The following PCDH7 variants were observed in gnomAD, a reference collection of about 807,000 sequenced individuals.
PCDH7 encodes protocadherin-7.
A neutral mutation model predicts 58.9 loss-of-function variants in PCDH7; 17 were observed. The observed-to-expected ratio is 0.29, with a 90% CI of 0.20 to 0.43. The LOEUF is 0.43. Ranked by LOEUF, PCDH7 falls within the 20% of genes least tolerant of loss-of-function variation. The pLI, the probability that PCDH7 is intolerant of heterozygous loss-of-function variation, is 1.00. For missense variants in PCDH7, 1,274 were observed against 1,441.0 expected (o/e 0.88, Z 1.88); for synonymous variants, 664 against 616.4 (o/e 1.08, Z -1.14).
At chr4:30,737,642 C>T (rs1046244060), downstream of PCDH7, among the ~76,000 whole-genome samples, 2 of 152,126 alleles carry the variant, frequency 1.3e-5, no homozygotes, top group African/African-American at 2.4e-5. Flanking sequence ...AATTTCAGAT[C>T]AAGGTGCATC....
intron 3 of PCDH7, among the ~76,000 whole-genome samples, chr4:31,109,634 G>A (rs906007029): frequency 7.2e-5 from 11 of 152,152 alleles, no homozygotes; most frequent in East Asian, 1.9e-4. Flanking sequence ...GCTCATTGTC[G>A]TGTACTTCTC....
At chr4:30,731,705 A>G (rs1715526317) in exon 2 of PCDH7, 1 of 152,140 alleles carries the variant, frequency 6.6e-6, no homozygotes, top group Non-Finnish European at 1.5e-5. Context: ...AGCTTCAAAG[A>G]GTTCAGCATG....
downstream of PCDH7, chr4:31,145,047 GA>G (rs1328930810): frequency 7.9e-5 from 12 of 151,704 alleles, no homozygotes; most frequent in South Asian, 2.5e-3. Flanking sequence ...ACGGATGTTT[GA>G]CAAACTTTTT....
In PCDH7 at chr4:30,722,473, A is replaced by G; in HGVS notation, c.1051A>G (p.Thr351Ala). 6.2e-7 allele frequency: 1 copy of G among 1,609,858 alleles called. No individual in the cohort carries two copies. The highest frequency in any genetic ancestry group is 8.5e-7 in the Non-Finnish European group (1 of 1,178,466). ...GATCGAATACGTGTTCGGGGCGGCC[A>G]CCGAGTCGGTGAGGCGGCTGCTGCG... is the stretch of plus-strand genomic sequence containing the variant. Residue 351 changes from threonine (T) to alanine (A), a missense_variant, in exon 1 of 2, where the codon ACC becomes GCC. Physicochemically the swap from Thr to Ala is moderately conservative, Grantham distance 58. Transcript: ENST00000361762. The surrounding 1 kb of genome is among the most constrained non-coding windows in gnomAD (Gnocchi z 7.6).
chr4:30,867,648 C>T (rs2109359308), intron 1 of PCDH7, among the ~76,000 whole-genome samples: 1 of 152,158 alleles, frequency 6.6e-6, no homozygotes, highest in East Asian at 1.9e-4. Flanking sequence ...GGGTAGGAGC[C>T]CACAGAAGGT....
chr4:30,911,551 T>C (rs4692487), intron 1 of PCDH7, among the ~76,000 whole-genome samples: 105,055 of 151,496 alleles, frequency 0.69, 36,667 homozygotes, highest in African/African-American at 0.79. Context: ...AATTGAATGA[T>C]TGTGTTAACA....
At chr4:30,726,381 T>G (rs10005680) in intron 1 of PCDH7, among the ~76,000 whole-genome samples, 2,874 of 152,136 alleles carry the variant, frequency 0.019, 86 homozygotes, top group African/African-American at 0.065. Flanking sequence ...TTGTGTAATC[T>G]TATGCTTTTG....
intron 1 of PCDH7, among the ~76,000 whole-genome samples, chr4:30,837,490 T>C (rs536517564): frequency 6.7e-6 from 1 of 149,714 alleles, no homozygotes; most frequent in Non-Finnish European, 1.5e-5. Flanking sequence ...TGGCATACTG[T>C]GACACCTAAG....
chr4:30,942,413 T>G (rs1277542423), intron 2 of PCDH7, among the ~76,000 whole-genome samples: 2 of 152,028 alleles, frequency 1.3e-5, no homozygotes, highest in African/African-American at 4.8e-5. Context: ...AAAATCATGC[T>G]TCTCTACAAG....
chr4:31,059,261 G>GT (rs1285561564), intron 3 of PCDH7, among the ~76,000 whole-genome samples: 1 of 151,890 alleles, frequency 6.6e-6, no homozygotes, highest in Non-Finnish European at 1.5e-5. Context: ...ATGAATGCTT[G>GT]ATGACAGCAT....
At chr4:31,114,970 C>T (rs905825419) in intron 3 of PCDH7, among the ~76,000 whole-genome samples, 16 of 152,106 alleles carry the variant, frequency 1.1e-4, no homozygotes, top group Non-Finnish European at 1.6e-4. Context: ...ATTCAACGCC[C>T]TTTGTCTATT....
At chr4:31,068,741 G>A (rs998714541) in intron 3 of PCDH7, among the ~76,000 whole-genome samples, 1 of 151,970 alleles carries the variant, frequency 6.6e-6, no homozygotes, top group African/African-American at 2.4e-5. Context: ...TAAGAAAGGA[G>A]GCTGTGTCTG....
At chr4:31,040,136 G>A (rs557221615) in intron 3 of PCDH7, among the ~76,000 whole-genome samples, 5 of 151,964 alleles carry the variant, frequency 3.3e-5, no homozygotes, top group Admixed American at 6.6e-5. Flanking sequence ...TATGTTTTTC[G>A]ATGTATACTG....
intron 1 of PCDH7, among the ~76,000 whole-genome samples, chr4:30,847,589 A>G (rs1367136698): frequency 6.6e-6 from 1 of 152,182 alleles, no homozygotes; most frequent in Non-Finnish European, 1.5e-5. Flanking sequence ...GTGAACATGG[A>G]ATTTTTTCAT....
At chr4:30,770,189 T>A (rs936669390) in intron 1 of PCDH7, among the ~76,000 whole-genome samples, 2 of 152,210 alleles carry the variant, frequency 1.3e-5, no homozygotes, top group Non-Finnish European at 2.9e-5. Flanking sequence ...CAGATTAACA[T>A]CATTTCATGC....
intron 3 of PCDH7, among the ~76,000 whole-genome samples, chr4:31,089,984 C>G (rs1359648087): frequency 6.6e-6 from 1 of 152,002 alleles, no homozygotes; most frequent in African/African-American, 2.4e-5. Flanking sequence ...CTAATAATTA[C>G]CCTTAAAGAT....
At chr4:31,121,353 A>G (rs573675459) in intron 3 of PCDH7, among the ~76,000 whole-genome samples, 5 of 152,226 alleles carry the variant, frequency 3.3e-5, no homozygotes, top group African/African-American at 1.2e-4. Flanking sequence ...GAAAAATATC[A>G]GTGGCTATAA....
exon 2 of PCDH7, chr4:30,730,826 T>G (rs774354180): frequency 6.4e-7 from 1 of 1,562,156 alleles, no homozygotes; most frequent in South Asian, 1.2e-5. Context: ...TGCACCATAC[T>G]GTGATGACCT....
chr4:31,050,361 G>T (rs146479043), intron 3 of PCDH7, among the ~76,000 whole-genome samples: 241 of 152,184 alleles, frequency 1.6e-3, no homozygotes, highest in African/African-American at 5.6e-3. Flanking sequence ...ATATGTAGGT[G>T]GGGGCAAGTC....
Sources: gnomAD v4.1 joint callset for allele counts (sites outside exome capture counted in the v4.1 genomes callset) on GRCh38, gnomAD v4.1.1 for gene constraint, Gnocchi (gnomAD v3.1) non-coding constraint, MANE v1.5 for transcripts, NCBI Gene and HGNC (gene_info 2026-07-23, HGNC 2026-07-21) for gene names.